The following APBA1 variants were observed in gnomAD, a reference collection of about 807,000 sequenced individuals.
The protein encoded by APBA1 is amyloid-beta A4 precursor protein-binding family A member 1.
Under a neutral mutation model 86.6 loss-of-function variants are expected in APBA1, and 55 were observed. The ratio of observed to expected loss-of-function variants is 0.64; its 90% CI spans 0.51 to 0.80. The LOEUF (loss-of-function observed/expected upper bound fraction) is 0.80, where lower values mean the gene tolerates loss of function less well. APBA1 is among the 30% of genes least tolerant of loss of function. The pLI, the probability that APBA1 is intolerant of heterozygous loss-of-function variation, is 0.00. For missense variants in APBA1, 1,090 were observed against 1,183.0 expected, an observed-to-expected ratio of 0.92 and a Z score of 1.15; for synonymous variants, 511 against 493.9, an observed-to-expected ratio of 1.03 and a Z score of -0.46.
chr9:69,597,560 T>G (rs1341596081), intron 1 of APBA1, among the ~76,000 whole-genome samples: 3 of 152,240 alleles, frequency 2.0e-5, no homozygotes, highest in Non-Finnish European at 4.4e-5. Context: ...CCATTGCTTT[T>G]GGTGTTTTAG....
At chr9:69,488,088 C>T (rs753042536) in intron 2 of APBA1, among the ~76,000 whole-genome samples, 41 of 151,998 alleles carry the variant, frequency 2.7e-4, no homozygotes, top group Admixed American at 1.1e-3. Flanking sequence ...GAGAAACTGG[C>T]GGGGTTGCAC....
chr9:69,445,137 G>A (rs1834886660), intron 10 of APBA1, among the ~76,000 whole-genome samples: 1 of 152,180 alleles, frequency 6.6e-6, no homozygotes, highest in Non-Finnish European at 1.5e-5. Context: ...GCAAGAGAAT[G>A]ACTCTATTTT....
chr9:69,563,964 T>C (rs770696758), intron 1 of APBA1, among the ~76,000 whole-genome samples: 2 of 152,196 alleles, frequency 1.3e-5, no homozygotes, highest in Non-Finnish European at 2.9e-5. Flanking sequence ...GTGGCCTTCA[T>C]TTGACAGCAA....
rs367576452 is a variant in APBA1 at position 69,516,021 on chromosome 9, A to C, written c.1190T>G (p.Met397Arg). Reference protein sequence around the residue: ...PTRDCDDQRPMDGDSPSPGSS... With the variant: ...PTRDCDDQRPRDGDSPSPGSS... ...CCCGCACCTACTTACATCTCCGTCC[A>C]TCGGCCTCTGGTCGTCACAGTCCCT... Residue 397 changes from methionine (M) to arginine (R), a missense_variant, in exon 2 of 13, where the codon ATG becomes AGG. Met to Arg is a moderately conservative substitution (Grantham distance 91). Around this residue, in one of 6 missense-constraint regions of APBA1, gnomAD observed 678 missense variants for 647.1 expected, o/e 1.05. Coordinates refer to ENST00000265381, the MANE Select transcript of APBA1 (RefSeq NM_001163.4). This position sits in a 1 kb window ranked among gnomAD's most constrained non-coding sequence, Gnocchi z 7.3. The C allele has an allele frequency of 3.8e-6, 6 of 1,574,584 alleles. No homozygotes were observed. The African/African-American group carries it at 6.9e-5, about 18-fold the overall frequency.
intron 2 of APBA1, among the ~76,000 whole-genome samples, chr9:69,511,087 T>C (rs1249756577): frequency 4.0e-5 from 6 of 151,864 alleles, no homozygotes; most frequent in African/African-American, 1.5e-4. Context: ...CTAATTAAAC[T>C]AAAGAGCTTC....
At chr9:69,618,713 G>T (rs1222478086) in intron 1 of APBA1, among the ~76,000 whole-genome samples, 1 of 152,244 alleles carries the variant, frequency 6.6e-6, no homozygotes, top group Non-Finnish European at 1.5e-5. Flanking sequence ...CAGCCTGAGA[G>T]TGAATTCACT....
At chr9:69,643,295 G>A (rs765189003) in intron 1 of APBA1, among the ~76,000 whole-genome samples, 5 of 152,146 alleles carry the variant, frequency 3.3e-5, no homozygotes, top group Non-Finnish European at 5.9e-5. Context: ...CTGTCCTCAA[G>A]GTCAATAACC....
At chr9:69,588,530 G>A (rs1204498042) in intron 1 of APBA1, among the ~76,000 whole-genome samples, 1 of 145,462 alleles carries the variant, frequency 6.9e-6, no homozygotes, top group Non-Finnish European at 1.5e-5. Context: ...CATTTAATCA[G>A]TTGTGAAGAT....
intron 1 of APBA1, among the ~76,000 whole-genome samples, chr9:69,637,772 T>C (rs960460871): frequency 6.6e-6 from 1 of 152,232 alleles, no homozygotes. Context: ...AAAACTGTCA[T>C]ACTTTTTAAA....
chr9:69,516,816 T>C lies in APBA1; in HGVS notation c.395A>G (p.Gln132Arg). The change falls in exon 2 of 13, where the codon CAG becomes CGG. Residue 132 changes from glutamine to arginine, a missense_variant. This residue lies in a region of APBA1 where 678 missense variants were observed against 647.1 expected (regional missense o/e 1.05). Coordinates refer to ENST00000265381, the MANE Select transcript of APBA1 (RefSeq NM_001163.4). This position sits in a 1 kb window ranked among gnomAD's most constrained non-coding sequence, Gnocchi z 7.3. ...GGCCTCGGCGTGCTCGGCCTCTGCC[T>C]GCTCCGTGTACTCCTCGGCCTCGGG... is the stretch of plus-strand genomic sequence containing the variant. ...YRPEAEEYTE[Q>R]AEAEHAEATH... 1 of 1,607,826 alleles carries C rather than the reference T, an allele frequency of 6.2e-7. No homozygotes were observed.
intron 1 of APBA1, among the ~76,000 whole-genome samples, chr9:69,665,136 T>A (rs1393039605): frequency 6.6e-6 from 1 of 152,168 alleles, no homozygotes. Context: ...GTACTGAAGA[T>A]TTAATATCCC....
chr9:69,644,778 A>C (rs1035851723), intron 1 of APBA1, among the ~76,000 whole-genome samples: 1 of 152,198 alleles, frequency 6.6e-6, no homozygotes, highest in South Asian at 2.1e-4. Context: ...TTGGAAGCAG[A>C]CTTTATTCTG....
rs1564105072 is a variant in APBA1 at position 69,658,312 on chromosome 9, T to TCTCTC, written c.-70+13840_-70+13841insGAGAG. ...TCTCTCTTTCTCTCTCTCTCTTTCT[T>TCTCTC]TCTTTCTTTCTTTCTTTCTTTCTTT... On this transcript the variant is annotated intron_variant, in intron 1 of 12. Coordinates refer to ENST00000265381, the MANE Select transcript of APBA1 (RefSeq NM_001163.4). Among the ~76,000 whole-genome samples the TCTCTC allele has an allele frequency of 2.0e-3, 154 of 75,580 alleles. 2 individuals carry two copies. Among genetic ancestry groups the TCTCTC allele is most frequent in the Admixed American group, 5.2e-3 (38 of 7,270 alleles). 49.6% of individuals were successfully genotyped at this position (75,580 alleles called of 152,430 possible). A position where few individuals can be genotyped will look rare whatever the true frequency, so the allele number is the denominator to read the frequency against.
chr9:69,555,954 T>C (rs1450136454), intron 1 of APBA1, among the ~76,000 whole-genome samples: 1 of 152,212 alleles, frequency 6.6e-6, no homozygotes, highest in Non-Finnish European at 1.5e-5. Flanking sequence ...CTCAGGTGCC[T>C]GTTTTAATCT....
rs377302674 is a variant in APBA1 at position 69,517,169 on chromosome 9, G to A, written c.42C>T (p.Asp14=). The A allele has an allele frequency of 6.0e-5, 94 of 1,554,564 alleles. No individual in the cohort carries two copies. The Middle Eastern group carries it at 1.0e-3, about 17-fold the overall frequency. ...LEGSAEVEVT[D]EAAGGEVNES... ...CGTTCACCTCCCCACCTGCCGCCTC[G>A]TCGGTCACCTCCACCTCCGCAGACC... The change falls in exon 2 of 13, where the codon GAC becomes GAT. Residue 14 remains aspartate, a synonymous_variant. Coordinates refer to ENST00000265381, the MANE Select transcript of APBA1 (RefSeq NM_001163.4).
intron 1 of APBA1, among the ~76,000 whole-genome samples, chr9:69,595,644 T>G (rs1822212390): frequency 6.6e-6 from 1 of 152,200 alleles, no homozygotes; most frequent in Non-Finnish European, 1.5e-5. Flanking sequence ...ACATGATTTT[T>G]CAGATGTTCG....
chr9:69,461,245 G>A (rs966481692), intron 5 of APBA1: 10 of 152,098 alleles, frequency 6.6e-5, no homozygotes, highest in Admixed American at 2.6e-4. Context: ...TTAAAGCCAG[G>A]AATGACAACA....
intron 11 of APBA1, among the ~76,000 whole-genome samples, chr9:69,440,447 C>G (rs554944643): frequency 1.1e-4 from 17 of 150,728 alleles, no homozygotes; most frequent in South Asian, 2.1e-4. Flanking sequence ...CGAGCTTCCC[C>G]GCTGCTTTGT....
intron 10 of APBA1, among the ~76,000 whole-genome samples, chr9:69,445,862 C>T (rs747383903): frequency 6.6e-5 from 10 of 152,116 alleles, no homozygotes; most frequent in Non-Finnish European, 1.0e-4. Context: ...GAAAGTGTAG[C>T]CTGCAGACTG....
Sources: gnomAD v4.1 joint callset for allele counts (sites outside exome capture counted in the v4.1 genomes callset) on GRCh38, gnomAD v4.1.1 for gene constraint, gnomAD v4.1.1 regional missense constraint, Gnocchi (gnomAD v3.1) non-coding constraint, MANE v1.5 for transcripts, NCBI Gene and HGNC (gene_info 2026-07-23, HGNC 2026-07-21) for gene names.